Variants in NLGN1 observed in about 807,000 individuals in gnomAD.
NLGN1 encodes the protein neuroligin-1.
Under a neutral mutation model 65.5 loss-of-function variants are expected in NLGN1, and 12 were observed. That is an observed-to-expected ratio of 0.18 (90% confidence interval 0.12 to 0.30). The LOEUF (loss-of-function observed/expected upper bound fraction) is 0.30. NLGN1 is among the 10% of genes least tolerant of loss of function. NLGN1 has a pLI of 1.00. For missense variants in NLGN1, 750 were observed against 1,007.1 expected, an observed-to-expected ratio of 0.74 and a Z score of 3.46; for synonymous variants, 350 against 359.5, an observed-to-expected ratio of 0.97 and a Z score of 0.30.
intron 3 of NLGN1, among the ~76,000 whole-genome samples, chr3:173,683,221 T>C (rs1764214238): frequency 6.6e-6 from 1 of 152,212 alleles, no homozygotes; most frequent in Non-Finnish European, 1.5e-5. Context: ...TGCTTTCATT[T>C]TTATCCCGTT....
chr3:173,462,449 A>G (rs915498987), intron 2 of NLGN1, among the ~76,000 whole-genome samples: 17 of 152,036 alleles, frequency 1.1e-4, no homozygotes, highest in African/African-American at 4.1e-4. Context: ...TCCTCTTGCT[A>G]ATTTATTTTG....
chr3:173,864,351 G>A (rs945028460), intron 4 of NLGN1, among the ~76,000 whole-genome samples: 1 of 152,126 alleles, frequency 6.6e-6, no homozygotes, highest in African/African-American at 2.4e-5. Flanking sequence ...TAATTAGAAT[G>A]TGATCTTCCA....
At chr3:173,773,273 A>C (rs1779846929) in intron 3 of NLGN1, among the ~76,000 whole-genome samples, 1 of 152,170 alleles carries the variant, frequency 6.6e-6, no homozygotes, top group Admixed American at 6.5e-5. Context: ...CTCTGTGGGG[A>C]GGGGAAGGAA....
intron 4 of NLGN1, among the ~76,000 whole-genome samples, chr3:174,000,771 A>G (rs890104570): frequency 1.1e-4 from 17 of 152,316 alleles, no homozygotes; most frequent in African/African-American, 3.6e-4. Context: ...AGATTTAAAT[A>G]CATACATGAA....
At chr3:173,414,388 T>C (rs775696916) in intron 1 of NLGN1, among the ~76,000 whole-genome samples, 4 of 152,128 alleles carry the variant, frequency 2.6e-5, no homozygotes, top group Non-Finnish European at 4.4e-5. Context: ...TGAATTGGAC[T>C]GGAGAAGAAG....
chr3:174,131,403 C>T (rs937961242), intron 4 of NLGN1, among the ~76,000 whole-genome samples: 8 of 152,094 alleles, frequency 5.3e-5, no homozygotes, highest in African/African-American at 1.9e-4. Context: ...TACATAACCA[C>T]GATGTTTCTC....
Position 174,279,567 on chromosome 3 carries a change from G to T in NLGN1, c.1566G>T (p.Glu522Asp), listed in dbSNP as rs1247611860. 3.1e-6 allele frequency: 5 copies of T among 1,613,056 alleles called. No homozygotes were observed. The Admixed American group carries it at 6.7e-5, about 22-fold the overall frequency. The stretch of plus-strand genomic sequence containing the variant: ...GAATCCCCATGATTGGCCCTACAGA[G>T]TTATTTCCTTGCAATTTCTCCAAAA... The change falls in exon 6 of 7, where the codon GAG (glutamate) becomes GAT (aspartate). Residue 522 changes from glutamate to aspartate, a missense_variant. Physicochemically the swap from Glu to Asp is conservative, Grantham distance 45 (BLOSUM62 2). Coordinates refer to ENST00000457714, the Ensembl canonical transcript of NLGN1. This position sits in a 1 kb window ranked among gnomAD's most constrained non-coding sequence, Gnocchi z 4.7.
At chr3:173,900,758 G>A (rs1737196599) in intron 4 of NLGN1, among the ~76,000 whole-genome samples, 1 of 151,946 alleles carries the variant, frequency 6.6e-6, no homozygotes, top group South Asian at 2.1e-4. Context: ...CTGGGATGGG[G>A]CAAAATTTAT....
chr3:174,010,245 A>G (rs1315745835), intron 4 of NLGN1, among the ~76,000 whole-genome samples: 1 of 152,212 alleles, frequency 6.6e-6, no homozygotes, highest in Non-Finnish European at 1.5e-5. Context: ...ATGAGCATAA[A>G]TGCAATTAGC....
intron 4 of NLGN1, among the ~76,000 whole-genome samples, chr3:174,126,018 C>G (rs983900622): frequency 5.3e-5 from 8 of 152,072 alleles, no homozygotes; most frequent in African/African-American, 1.9e-4. Context: ...TGTCATGTTG[C>G]AGATGAAGAA....
chr3:174,223,788 CAT>C lies in NLGN1; in HGVS notation c.647-51526_647-51525del, dbSNP rs1255839995. On this transcript the variant is annotated intron_variant, in intron 4 of 6. Transcript: ENST00000457714. ...TATGTCCAAAGGCCCCAAATCACCA[CAT>C]GACTTGGTGCCTACAGTAGCATGAC... Among the ~76,000 whole-genome samples, 5 of 152,332 alleles carry C rather than the reference CAT, an allele frequency of 3.3e-5. No individual in the cohort carries two copies. In the East Asian group the frequency reaches 9.7e-4, roughly 29 times the overall value.
At chr3:173,635,012 C>G (rs999800119) in intron 3 of NLGN1, among the ~76,000 whole-genome samples, 15 of 152,032 alleles carry the variant, frequency 9.9e-5, no homozygotes, top group African/African-American at 3.6e-4. Flanking sequence ...TTAATCTCTT[C>G]TAAAATATAA....
intron 2 of NLGN1, among the ~76,000 whole-genome samples, chr3:173,537,026 T>C (rs563479627): frequency 6.6e-6 from 1 of 152,194 alleles, no homozygotes; most frequent in Non-Finnish European, 1.5e-5. Flanking sequence ...TTACTCAACA[T>C]TTGTTCTCTT....
intron 4 of NLGN1, among the ~76,000 whole-genome samples, chr3:174,091,212 T>C (rs1345029310): frequency 2.6e-5 from 4 of 152,224 alleles, no homozygotes; most frequent in East Asian, 1.9e-4. Flanking sequence ...GGCTTCAACA[T>C]TGGTCATCTC....
At chr3:173,662,448 A>G (rs17785189) in intron 3 of NLGN1, among the ~76,000 whole-genome samples, 17,383 of 152,032 alleles carry the variant, frequency 0.11, 1,029 homozygotes, top group Middle Eastern at 0.27. Context: ...CTGTTCATCT[A>G]TGTTTAATTT....
intron 4 of NLGN1, among the ~76,000 whole-genome samples, chr3:174,098,522 C>CTAAGAA (rs1711623985): frequency 6.6e-6 from 1 of 152,098 alleles, no homozygotes; most frequent in Non-Finnish European, 1.5e-5. Context: ...GTAGTAGATG[C>CTAAGAA]TAAGAAAATA....
intron 4 of NLGN1, among the ~76,000 whole-genome samples, chr3:174,172,850 G>A (rs1009197770): frequency 6.6e-6 from 1 of 152,024 alleles, no homozygotes; most frequent in South Asian, 2.1e-4. Context: ...CTATTTCTGT[G>A]AAGAATGTCT....
At chr3:173,771,258 A>G (rs1222443205) in intron 3 of NLGN1, among the ~76,000 whole-genome samples, 1 of 152,186 alleles carries the variant, frequency 6.6e-6, no homozygotes, top group African/African-American at 2.4e-5. Context: ...TGGTTAGCAC[A>G]ATTTTTGTGC....
At chr3:174,040,176 C>T (rs1301721647) in intron 4 of NLGN1, among the ~76,000 whole-genome samples, 2 of 151,902 alleles carry the variant, frequency 1.3e-5, no homozygotes, top group Non-Finnish European at 2.9e-5. Flanking sequence ...TGGCCTACTC[C>T]CCTCTTTTCA....
Sources: gnomAD v4.1 joint callset for allele counts (sites outside exome capture counted in the v4.1 genomes callset) on GRCh38, gnomAD v4.1.1 for gene constraint, Gnocchi (gnomAD v3.1) non-coding constraint, MANE v1.5 for transcripts, NCBI Gene and HGNC (gene_info 2026-07-23, HGNC 2026-07-21) for gene names.